Variants in LRBA observed in about 807,000 individuals in gnomAD.
LRBA encodes lipopolysaccharide-responsive and beige-like anchor protein.
LRBA carries 176 observed loss-of-function variants against 330.0 expected under a neutral mutation model. The ratio of observed to expected loss-of-function variants is 0.53; its 90% CI spans 0.47 to 0.60. The LOEUF (loss-of-function observed/expected upper bound fraction) is 0.60, where lower values mean the gene tolerates loss of function less well. Ranked by LOEUF, LRBA falls within the 20% of genes least tolerant of loss-of-function variation. The probability of loss-of-function intolerance (pLI) is 0.00; values close to 1 mark genes in which losing one functional copy is unlikely to be tolerated. For synonymous variants in LRBA, 1,230 were observed against 1,193.0 expected, an observed-to-expected ratio of 1.03 and a Z score of -0.64; for missense variants, 3,259 against 3,444.8, an observed-to-expected ratio of 0.95 and a Z score of 1.35.
intron 13 of LRBA, among the ~76,000 whole-genome samples, chr4:150,903,214 C>T (rs747718767): frequency 6.6e-6 from 1 of 151,872 alleles, no homozygotes; most frequent in Non-Finnish European, 1.5e-5. Context: ...AGACCCTAGT[C>T]TCTACAAAAA....
At chr4:150,877,126 C>T (rs1754129165) in intron 17 of LRBA, among the ~76,000 whole-genome samples, 1 of 151,812 alleles carries the variant, frequency 6.6e-6, no homozygotes, top group Admixed American at 6.6e-5. Context: ...ACCATGGTGG[C>T]GGGCGCCTGT....
intron 36 of LRBA, among the ~76,000 whole-genome samples, chr4:150,716,377 C>T (rs1395817415): frequency 6.6e-6 from 1 of 151,880 alleles, no homozygotes; most frequent in Non-Finnish European, 1.5e-5. Flanking sequence ...ACCAGGCAGG[C>T]GGAGGTTTCA....
chr4:150,981,328 G>A lies in LRBA; in HGVS notation c.216+33099C>T, dbSNP rs146160402. Among the ~76,000 whole-genome samples the A allele has an allele frequency of 5.6e-3, 847 of 150,796 alleles. 6 individuals carry two copies. Among genetic ancestry groups the A allele is most frequent in the African/African-American group, 0.02 (823 of 40,964 alleles). On this transcript the variant is annotated intron_variant, in intron 2 of 56. Transcript: ENST00000651943. Reference sequence around the variant, plus strand: ...CTCTGGAGGCTGAGGTGGGAGAATCGCCTGAACCTGGGAAGTGGAGGTTGT... The same window carrying A: ...CTCTGGAGGCTGAGGTGGGAGAATCACCTGAACCTGGGAAGTGGAGGTTGT...
Position 150,983,767 on chromosome 4 carries a change from G to A in LRBA, c.216+30660C>T, listed in dbSNP as rs573287073. Among the ~76,000 whole-genome samples, 40 of 148,574 alleles carry A rather than the reference G, an allele frequency of 2.7e-4. No individual in the cohort carries two copies. The East Asian group carries it at 6.9e-3, about 26-fold the overall frequency. ...ACCACGCCAGGCTGGCGAGTACTCC[G>A]TCTTAAAAAAAAAAAAAAACTACAA... On this transcript the variant is annotated intron_variant, in intron 2 of 56. Coordinates refer to ENST00000651943, the MANE Select transcript of LRBA (RefSeq NM_001364905.1).
At chr4:150,817,767 A>G (rs1010140280) in intron 30 of LRBA, among the ~76,000 whole-genome samples, 8 of 152,110 alleles carry the variant, frequency 5.3e-5, no homozygotes, top group African/African-American at 1.9e-4. Context: ...AATAAAAACC[A>G]TACGCAAAAA....
intron 2 of LRBA, among the ~76,000 whole-genome samples, chr4:150,952,880 T>G (rs1737005378): frequency 6.6e-6 from 1 of 152,212 alleles, no homozygotes; most frequent in Non-Finnish European, 1.5e-5. Context: ...TATATCTCTG[T>G]GTATGTGTCC....
intron 34 of LRBA, among the ~76,000 whole-genome samples, chr4:150,785,171 T>A (rs1738863364): frequency 6.6e-6 from 1 of 152,016 alleles, no homozygotes; most frequent in Non-Finnish European, 1.5e-5. Context: ...GGATTGGGGA[T>A]GAAATCATAG....
chr4:150,897,650 G>C, intron 15 of LRBA, 89 bp downstream of exon 15: 4 of 903,196 alleles, frequency 4.4e-6, no homozygotes, highest in Non-Finnish European at 7.0e-6. Flanking sequence ...CAGTAACCAA[G>C]CAAAGAATAA....
At chr4:150,751,771 T>C (rs1733589005) in intron 35 of LRBA, among the ~76,000 whole-genome samples, 1 of 152,102 alleles carries the variant, frequency 6.6e-6, no homozygotes, top group Non-Finnish European at 1.5e-5. Context: ...CCCTATCAAG[T>C]AACCAACTAG....
At chr4:150,600,635 A>G (rs2126518406) in intron 37 of LRBA, among the ~76,000 whole-genome samples, 1 of 152,264 alleles carries the variant, frequency 6.6e-6, no homozygotes, top group African/African-American at 2.4e-5. Flanking sequence ...AAAGTATAAG[A>G]ATTGCAGTTC....
chr4:150,472,234 T>C (rs1327470662), intron 42 of LRBA, among the ~76,000 whole-genome samples: 1 of 152,010 alleles, frequency 6.6e-6, no homozygotes, highest in Non-Finnish European at 1.5e-5. Flanking sequence ...TAAAGAGAAA[T>C]TTTTTTAATA....
intron 35 of LRBA, among the ~76,000 whole-genome samples, chr4:150,741,546 T>A (rs1444678093): frequency 6.6e-6 from 1 of 152,094 alleles, no homozygotes; most frequent in Admixed American, 6.6e-5. Flanking sequence ...ACTCTTATAA[T>A]CACAAAATCG....
intron 2 of LRBA, among the ~76,000 whole-genome samples, chr4:151,008,603 T>G (rs1744404595): frequency 6.6e-6 from 1 of 151,350 alleles, no homozygotes; most frequent in Non-Finnish European, 1.5e-5. Context: ...AAAAAAAAAA[T>G]CACCATATAA....
At chr4:150,765,232 T>C (rs1203421705) in intron 34 of LRBA, among the ~76,000 whole-genome samples, 1 of 151,980 alleles carries the variant, frequency 6.6e-6, no homozygotes, top group Non-Finnish European at 1.5e-5. Flanking sequence ...TATGGAGAAA[T>C]GTAAAAAGAT....
chr4:150,287,541 G>A (rs1748290866), intron 53 of LRBA, among the ~76,000 whole-genome samples: 1 of 152,188 alleles, frequency 6.6e-6, no homozygotes, highest in Non-Finnish European at 1.5e-5. Flanking sequence ...CTTTTCACAG[G>A]ACAGTTCCAA....
chr4:150,359,905 G>A (rs1026998932), intron 47 of LRBA, among the ~76,000 whole-genome samples: 7 of 151,858 alleles, frequency 4.6e-5, no homozygotes, highest in South Asian at 2.1e-4. Flanking sequence ...TCTTGAATCC[G>A]GGAGGTGGAG....
At chr4:150,325,091 G>T (rs1040936882) in intron 49 of LRBA, among the ~76,000 whole-genome samples, 2 of 152,110 alleles carry the variant, frequency 1.3e-5, no homozygotes, top group African/African-American at 2.4e-5. Flanking sequence ...GCCTCAAGAA[G>T]TCTGGCTGCT....
chr4:150,326,475 G>A (rs1279283968), intron 48 of LRBA, among the ~76,000 whole-genome samples: 1 of 152,158 alleles, frequency 6.6e-6, no homozygotes, highest in Non-Finnish European at 1.5e-5. Context: ...TTAAACCAGG[G>A]AGTCACTAAA....
chr4:150,947,535 T>C (rs1295931595), intron 2 of LRBA, among the ~76,000 whole-genome samples: 1 of 152,040 alleles, frequency 6.6e-6, no homozygotes, highest in Non-Finnish European at 1.5e-5. Flanking sequence ...AAACTTCAAC[T>C]TGATAAGCAA....
Sources: allele counts gnomAD v4.1 joint callset (sites outside exome capture counted in the v4.1 genomes callset), GRCh38; gene constraint gnomAD v4.1.1; transcripts MANE v1.5; gene names NCBI Gene and HGNC (gene_info 2026-07-23, HGNC 2026-07-21).